Variants in MYRFL observed in about 807,000 individuals in gnomAD.
MYRFL encodes the protein myelin regulatory factor like.
In MYRFL, 88 loss-of-function variants were observed where a neutral mutation model predicts 109.4. The observed-to-expected ratio is 0.80, with a 90% CI of 0.68 to 0.96. MYRFL has a LOEUF of 0.96. Among genes scored for constraint, MYRFL ranks in the 40% least tolerant of loss-of-function variants. The pLI is 0.00. For synonymous variants in MYRFL, 324 were observed against 320.9 expected, an observed-to-expected ratio of 1.01 and a Z score of -0.10; for missense variants, 957 against 954.9, an observed-to-expected ratio of 1.00 and a Z score of -0.03.
intron 2 of MYRFL, among the ~76,000 whole-genome samples, chr12:69,878,585 G>T (rs1353053670): frequency 1.3e-5 from 2 of 152,110 alleles, no homozygotes; most frequent in Non-Finnish European, 2.9e-5. Context: ...GTGCCATTGG[G>T]ATATCTGTCA....
At chr12:69,905,151 C>T (rs948056407) in intron 11 of MYRFL, among the ~76,000 whole-genome samples, 63 of 152,180 alleles carry the variant, frequency 4.1e-4, no homozygotes, top group African/African-American at 1.4e-3. Flanking sequence ...CATTTCAGGT[C>T]ACACCAACTC....
rs563792678 is a variant in MYRFL at position 69,947,629 on chromosome 12, A to G, written c.2225-4484A>G. 3.3e-5 allele frequency among the ~76,000 whole-genome samples: 5 copies of G among 152,352 alleles called. No homozygotes were observed. The South Asian group carries it at 8.3e-4, about 25-fold the overall frequency. Reference sequence around the variant, plus strand: ...AAAGAGCCTGTGGAGAAAAGCATCTATGGAATTCTATAGAATATATTAGAG... The same window carrying G: ...AAAGAGCCTGTGGAGAAAAGCATCTGTGGAATTCTATAGAATATATTAGAG... On this transcript the variant is annotated intron_variant, in intron 19 of 24. Coordinates refer to ENST00000552032, the MANE Select transcript of MYRFL (RefSeq NM_182530.3).
intron 13 of MYRFL, 128 bp from the exon 14 acceptor site, chr12:69,926,443 C>A (rs1955085121): frequency 5.7e-6 from 4 of 703,466 alleles, no homozygotes; most frequent in African/African-American, 3.7e-5. Context: ...CTTGAATGAA[C>A]TTGAAGATGT....
chr12:69,929,398 T>A (rs1309440904), intron 15 of MYRFL, among the ~76,000 whole-genome samples: 2 of 152,168 alleles, frequency 1.3e-5, no homozygotes, highest in East Asian at 3.8e-4. Context: ...ATGTCAGCAA[T>A]GCTGCAGAGG....
intron 5 of MYRFL, 63 bp downstream of exon 5, chr12:69,880,355 T>C: frequency 1.5e-6 from 1 of 677,820 alleles, no homozygotes; most frequent in South Asian, 1.6e-5. Context: ...AAAGCAAGGC[T>C]TTTTACCAGC....
intron 1 of MYRFL, among the ~76,000 whole-genome samples, chr12:69,827,804 G>GAT (rs1359701618): frequency 6.6e-6 from 1 of 152,082 alleles, no homozygotes; most frequent in South Asian, 2.1e-4. Flanking sequence ...AACACAATTA[G>GAT]ATATATATAG....
intron 19 of MYRFL, 62 bp from the exon 20 acceptor site, chr12:69,952,051 A>C: frequency 7.1e-7 from 1 of 1,410,296 alleles, no homozygotes; most frequent in Non-Finnish European, 9.7e-7. Context: ...TAGGTCACAC[A>C]TGGGGTTTCT....
intron 16 of MYRFL, among the ~76,000 whole-genome samples, chr12:69,935,717 C>T (rs1397633504): frequency 6.6e-6 from 1 of 152,212 alleles, no homozygotes; most frequent in African/African-American, 2.4e-5. Context: ...TGCGACAGTG[C>T]CAATGCCCTC....
chr12:69,877,943 T>A (rs73136815), intron 2 of MYRFL, among the ~76,000 whole-genome samples: 22,407 of 152,108 alleles, frequency 0.15, 2,145 homozygotes, highest in Non-Finnish European at 0.22. Context: ...CACATTTTTT[T>A]AAAAATAAAA....
At position 69,958,724 on chromosome 12, in the gene MYRFL, A is replaced by G; in HGVS notation, c.*193A>G. On this transcript the variant is annotated 3_prime_UTR_variant, in exon 25 of 25. Coordinates refer to ENST00000552032, the MANE Select transcript of MYRFL (RefSeq NM_182530.3). Reference sequence around the variant, plus strand: ...AGAATAAAATGTTTGCTGAAACTTGAAATAATGTGATGTTTGATTTTGCCA... The same window carrying G: ...AGAATAAAATGTTTGCTGAAACTTGGAATAATGTGATGTTTGATTTTGCCA... The G allele has an allele frequency of 1.9e-6, 1 of 527,640 alleles. No homozygotes were observed. Among genetic ancestry groups the G allele is most frequent in the Non-Finnish European group, 3.3e-6 (1 of 302,286 alleles). The allele number at this position is 527,640 out of a possible 1,614,324, so 32.7% of individuals were successfully genotyped here.
chr12:69,891,308 C>G (rs534166304), intron 7 of MYRFL, 142 bp downstream of exon 7: 5 of 612,984 alleles, frequency 8.2e-6, no homozygotes, highest in Non-Finnish European at 1.3e-5. Flanking sequence ...ACTGGGTCAG[C>G]GTGTGACTAT....
intron 19 of MYRFL, among the ~76,000 whole-genome samples, chr12:69,943,264 A>G (rs1226715298): frequency 8.0e-5 from 12 of 150,926 alleles, no homozygotes; most frequent in African/African-American, 2.2e-4. Flanking sequence ...GAGGCATCAC[A>G]CTACCTGACT....
Position 69,887,814 on chromosome 12 carries a change from A to G in MYRFL, c.707+844A>G, listed in dbSNP as rs1338535354. ...GACTTTGGGAGTTGGTGTGTTTAATAAGCTAAAGGAAGCTCATTGCTCATT... is the reference window on the plus strand; with the variant it reads ...GACTTTGGGAGTTGGTGTGTTTAATGAGCTAAAGGAAGCTCATTGCTCATT... On this transcript the variant is annotated intron_variant, in intron 6 of 24. Coordinates refer to ENST00000552032, the MANE Select transcript of MYRFL (RefSeq NM_182530.3). Among the ~76,000 whole-genome samples, 5 of 152,318 alleles carry G rather than the reference A, an allele frequency of 3.3e-5. No homozygotes were observed. In the East Asian group the frequency reaches 9.6e-4, roughly 29 times the overall value.
chr12:69,850,269 T>C (rs1448336945), intron 1 of MYRFL, among the ~76,000 whole-genome samples: 1 of 152,106 alleles, frequency 6.6e-6, no homozygotes, highest in Non-Finnish European at 1.5e-5. Context: ...ATCTGTAGCA[T>C]GAAAACAGAC....
At chr12:69,893,428 C>T (rs1221168903) in intron 7 of MYRFL, among the ~76,000 whole-genome samples, 1 of 152,124 alleles carries the variant, frequency 6.6e-6, no homozygotes, top group African/African-American at 2.4e-5. Context: ...GTGGGTGCTC[C>T]ATAAGTACTT....
intron 19 of MYRFL, among the ~76,000 whole-genome samples, chr12:69,944,034 A>G (rs972601225): frequency 1.3e-5 from 2 of 149,988 alleles, no homozygotes; most frequent in African/African-American, 4.9e-5. Context: ...TCAGGAAGCA[A>G]CAGGTGCTGG....
At chr12:69,857,863 G>A (rs372148690) in intron 2 of MYRFL, among the ~76,000 whole-genome samples, 11 of 151,650 alleles carry the variant, frequency 7.3e-5, no homozygotes, top group African/African-American at 2.7e-4. Context: ...ATACTTTCTT[G>A]CCTTGCTGAA....
chr12:69,832,769 G>A (rs934640207), intron 1 of MYRFL, among the ~76,000 whole-genome samples: 1 of 152,030 alleles, frequency 6.6e-6, no homozygotes, highest in Non-Finnish European at 1.5e-5. Context: ...TTAGAGTTTG[G>A]ATTTTTATTC....
chr12:69,941,833 T>TA (rs1179091187), intron 19 of MYRFL, among the ~76,000 whole-genome samples: 2 of 150,042 alleles, frequency 1.3e-5, no homozygotes, highest in African/African-American at 4.9e-5. Context: ...ATAGATGCAA[T>TA]AAAAAATGAT....
Sources: gnomAD v4.1 joint callset for allele counts (sites outside exome capture counted in the v4.1 genomes callset) on GRCh38, gnomAD v4.1.1 for gene constraint, MANE v1.5 for transcripts, NCBI Gene and HGNC (gene_info 2026-07-23, HGNC 2026-07-21) for gene names.